PTPRD: variants seen among roughly 807,000 people sequenced by gnomAD.
The protein encoded by PTPRD is protein tyrosine phosphatase receptor type D.
A neutral mutation model predicts 214.5 loss-of-function variants in PTPRD; 34 were observed. The ratio of observed to expected loss-of-function variants is 0.16; its 90% CI spans 0.12 to 0.21. The LOEUF is 0.21. Among genes scored for constraint, PTPRD ranks in the 10% least tolerant of loss-of-function variants. The probability of loss-of-function intolerance (pLI) is 1.00; values close to 1 mark genes in which losing one functional copy is unlikely to be tolerated. For missense variants in PTPRD, 2,545 were observed against 2,398.7 expected (o/e 1.06, Z -1.27); for synonymous variants, 1,128 against 845.7 (o/e 1.33, Z -5.79).
chr9:8,564,853 T>A (rs2088236741), intron 14 of PTPRD, among the ~76,000 whole-genome samples: 1 of 152,138 alleles, frequency 6.6e-6, no homozygotes, highest in Non-Finnish European at 1.5e-5. Flanking sequence ...CTAAGAAAGT[T>A]TTTTTTAAAG....
chr9:9,670,987 A>G (rs372195094), intron 7 of PTPRD, among the ~76,000 whole-genome samples: 1 of 152,088 alleles, frequency 6.6e-6, no homozygotes, highest in African/African-American at 2.4e-5. Context: ...TCTATTCCCT[A>G]GTGGAGCTGT....
At chr9:9,543,731 T>C (rs2078125402) in intron 8 of PTPRD, among the ~76,000 whole-genome samples, 1 of 151,590 alleles carries the variant, frequency 6.6e-6, no homozygotes, top group Non-Finnish European at 1.5e-5. Flanking sequence ...AAAGAACAAA[T>C]GAATTTTCGT....
At chr9:10,362,307 G>T (rs868750091) in intron 2 of PTPRD, among the ~76,000 whole-genome samples, 8 of 149,588 alleles carry the variant, frequency 5.3e-5, no homozygotes, top group Non-Finnish European at 1.0e-4. Flanking sequence ...CGGCCCCATT[G>T]ATCTTCACAA....
At chr9:10,447,196 G>A (rs745918060) in intron 2 of PTPRD, among the ~76,000 whole-genome samples, 18 of 150,584 alleles carry the variant, frequency 1.2e-4, no homozygotes, top group Middle Eastern at 6.8e-3. Flanking sequence ...GCTAACAGGA[G>A]ATCCATTTCA....
intron 4 of PTPRD, among the ~76,000 whole-genome samples, chr9:9,978,362 G>GA (rs1158744007): frequency 6.6e-6 from 1 of 151,838 alleles, no homozygotes; most frequent in African/African-American, 2.4e-5. Flanking sequence ...AAATCTATAA[G>GA]AAAAATTAAA....
At chr9:10,483,851 C>G (rs974249874) in intron 2 of PTPRD, among the ~76,000 whole-genome samples, 2 of 151,990 alleles carry the variant, frequency 1.3e-5, no homozygotes, top group African/African-American at 2.4e-5. Flanking sequence ...TACAACCTCT[C>G]TGGAAAACAA....
chr9:9,937,639 C>G (rs769202085), intron 5 of PTPRD, among the ~76,000 whole-genome samples: 77 of 152,036 alleles, frequency 5.1e-4, no homozygotes, highest in Non-Finnish European at 9.3e-4. Flanking sequence ...AGACCAAATA[C>G]TTATTACATG....
intron 3 of PTPRD, among the ~76,000 whole-genome samples, chr9:10,181,017 A>G (rs2099279321): frequency 1.3e-5 from 2 of 152,118 alleles, no homozygotes; most frequent in Admixed American, 6.6e-5. Flanking sequence ...ATTGTCTTCT[A>G]CCACTCCTAC....
At chr9:8,991,663 G>C (rs2099367413) in intron 11 of PTPRD, among the ~76,000 whole-genome samples, 1 of 152,042 alleles carries the variant, frequency 6.6e-6, no homozygotes, top group Non-Finnish European at 1.5e-5. Flanking sequence ...TAATTGAAAG[G>C]CTTTGAGTAA....
intron 3 of PTPRD, among the ~76,000 whole-genome samples, chr9:10,161,321 G>A (rs1037774079): frequency 6.6e-6 from 1 of 151,782 alleles, no homozygotes; most frequent in African/African-American, 2.4e-5. Context: ...GGAAGCTATA[G>A]TAAATTGTAC....
intron 11 of PTPRD, among the ~76,000 whole-genome samples, chr9:8,880,259 C>T (rs2098433014): frequency 1.3e-5 from 2 of 152,048 alleles, no homozygotes. Flanking sequence ...ACTGAATAAA[C>T]AGCATATAAA....
At chr9:9,172,658 G>A (rs112968016) in intron 10 of PTPRD, among the ~76,000 whole-genome samples, 88 of 152,190 alleles carry the variant, frequency 5.8e-4, no homozygotes, top group African/African-American at 1.7e-3. Flanking sequence ...GCATATAGAT[G>A]GCACTTGGTT....
intron 4 of PTPRD, among the ~76,000 whole-genome samples, chr9:10,003,830 A>C (rs1040084961): frequency 2.0e-5 from 3 of 151,912 alleles, no homozygotes; most frequent in East Asian, 3.9e-4. Context: ...TAAATTTCAA[A>C]TTCTAAATTT....
At chr9:10,442,810 T>C (rs80082780) in intron 2 of PTPRD, among the ~76,000 whole-genome samples, 11,517 of 151,478 alleles carry the variant, frequency 0.076, 716 homozygotes, top group African/African-American at 0.16. Context: ...GTCCTATTTT[T>C]GCTTGTTGGG....
At chr9:9,491,214 A>T (rs2095879155) in intron 8 of PTPRD, among the ~76,000 whole-genome samples, 1 of 151,990 alleles carries the variant, frequency 6.6e-6, no homozygotes, top group Non-Finnish European at 1.5e-5. Flanking sequence ...AGAAAAATAC[A>T]TTGTATATTA....
chr9:10,245,239 C>T (rs531816449), intron 3 of PTPRD, among the ~76,000 whole-genome samples: 2 of 151,990 alleles, frequency 1.3e-5, no homozygotes, highest in Non-Finnish European at 1.5e-5. Context: ...TTATAGAAAC[C>T]TGTGTAAAGC....
intron 7 of PTPRD, among the ~76,000 whole-genome samples, chr9:9,598,426 A>G (rs1311206683): frequency 6.6e-6 from 1 of 151,970 alleles, no homozygotes; most frequent in Non-Finnish European, 1.5e-5. Context: ...CTTGGAAACC[A>G]TTGCCCTACT....
chr9:8,575,031 C>T (rs755903236), intron 14 of PTPRD, among the ~76,000 whole-genome samples: 3 of 152,060 alleles, frequency 2.0e-5, no homozygotes, highest in East Asian at 1.9e-4. Context: ...TTCATTAACG[C>T]GTTTGCAAAT....
At chr9:10,184,481 A>C (rs294847) in intron 3 of PTPRD, among the ~76,000 whole-genome samples, 8,229 of 152,232 alleles carry the variant, frequency 0.054, 318 homozygotes, top group Admixed American at 0.1. Context: ...CTAGACACTA[A>C]AACTCTGAGA....
Sources: allele counts gnomAD v4.1 joint callset (sites outside exome capture counted in the v4.1 genomes callset), GRCh38; gene constraint gnomAD v4.1.1; transcripts MANE v1.5; gene names NCBI Gene and HGNC (gene_info 2026-07-23, HGNC 2026-07-21).